Variants in THADA observed in about 807,000 individuals in gnomAD.
The protein encoded by THADA is THADA armadillo repeat containing.
A neutral mutation model predicts 219.8 loss-of-function variants in THADA; 213 were observed. The observed-to-expected ratio is 0.97, with a 90% CI of 0.87 to 1.09. THADA has a LOEUF of 1.09. Ranked by LOEUF, THADA falls within the 50% of genes least tolerant of loss-of-function variation. The pLI, the probability that THADA is intolerant of heterozygous loss-of-function variation, is 0.00. For missense variants in THADA, 2,956 were observed against 2,311.3 expected (o/e 1.28, Z -5.72); for synonymous variants, 1,018 against 828.9 (o/e 1.23, Z -3.92).
intron 30 of THADA, among the ~76,000 whole-genome samples, chr2:43,335,765 C>G (rs1441498311): frequency 6.8e-6 from 1 of 146,544 alleles, no homozygotes; most frequent in Non-Finnish European, 1.5e-5. Flanking sequence ...ACTAAACCAG[C>G]CTGGGAACAG....
At chr2:43,556,205 G>A (rs145978369) in intron 17 of THADA, 140 bp downstream of exon 17, 88 of 1,452,348 alleles carry the variant, frequency 6.1e-5, no homozygotes, top group Non-Finnish European at 7.5e-5. Flanking sequence ...TTTGCATAAT[G>A]AGAACCCATG....
intron 30 of THADA, chr2:43,343,142 C>T (rs1336151919): frequency 6.6e-6 from 1 of 152,246 alleles, no homozygotes; most frequent in East Asian, 1.9e-4. Flanking sequence ...ATCCTCCTGC[C>T]TTAGCCTCCC....
At chr2:43,379,909 T>C (rs953921428) in intron 29 of THADA, among the ~76,000 whole-genome samples, 1 of 152,218 alleles carries the variant, frequency 6.6e-6, no homozygotes, top group Non-Finnish European at 1.5e-5. Context: ...TGTATTTTGC[T>C]AACTGAAAGA....
At chr2:43,246,882 G>C (rs1669216059) in intron 36 of THADA, among the ~76,000 whole-genome samples, 1 of 152,206 alleles carries the variant, frequency 6.6e-6, no homozygotes, top group African/African-American at 2.4e-5. Flanking sequence ...CTGACGCTGA[G>C]TGTGGAGAAG....
chr2:43,541,022 G>A (rs1032308591), intron 21 of THADA, 137 bp downstream of exon 21: 1 of 863,724 alleles, frequency 1.2e-6, no homozygotes, highest in African/African-American at 1.8e-5. Context: ...AAATTACCAT[G>A]AACTTTCTTC....
At chr2:43,493,920 T>C (rs186244631) in intron 25 of THADA, among the ~76,000 whole-genome samples, 154 of 152,352 alleles carry the variant, frequency 1.0e-3, no homozygotes, top group Middle Eastern at 3.4e-3. Flanking sequence ...TCTCCACTTT[T>C]ACCTACATCA....
chr2:43,278,032 C>A (rs999186578), intron 36 of THADA, among the ~76,000 whole-genome samples: 1 of 150,848 alleles, frequency 6.6e-6, no homozygotes, highest in African/African-American at 2.5e-5. Context: ...CTCACTGCGA[C>A]CTATGCCTCC....
chr2:43,231,397 C>T, intron 37 of THADA, 54 bp from the exon 38 acceptor site: 1 of 1,457,234 alleles, frequency 6.9e-7, no homozygotes, highest in Non-Finnish European at 9.1e-7. Context: ...GTGACAAGCC[C>T]CAGTCCAGAC....
chr2:43,246,752 C>T (rs978703344), intron 36 of THADA, among the ~76,000 whole-genome samples: 2 of 152,200 alleles, frequency 1.3e-5, no homozygotes, highest in Middle Eastern at 3.2e-3. Context: ...ATGGAGTTTA[C>T]TCCCCAGAGC....
At chr2:43,433,382 A>G (rs1179180281) in intron 26 of THADA, among the ~76,000 whole-genome samples, 1 of 152,016 alleles carries the variant, frequency 6.6e-6, no homozygotes, top group African/African-American at 2.4e-5. Flanking sequence ...ATATAAAATT[A>G]GCCGGGTGTG....
chr2:43,461,046 C>T (rs1683583602), intron 26 of THADA, among the ~76,000 whole-genome samples: 1 of 152,122 alleles, frequency 6.6e-6, no homozygotes, highest in African/African-American at 2.4e-5. Flanking sequence ...GGGACAACAG[C>T]CAAGGCTAGA....
intron 22 of THADA, among the ~76,000 whole-genome samples, chr2:43,510,258 A>G (rs1690239785): frequency 6.6e-6 from 1 of 152,212 alleles, no homozygotes; most frequent in African/African-American, 2.4e-5. Flanking sequence ...AACAACAATA[A>G]AAAGGGATAG....
intron 32 of THADA, 93 bp downstream of exon 32, chr2:43,292,741 A>C: frequency 6.7e-7 from 1 of 1,501,950 alleles, no homozygotes; most frequent in Non-Finnish European, 8.9e-7. Flanking sequence ...GGAGAGCCTA[A>C]ACCCAATCTT....
intron 22 of THADA, among the ~76,000 whole-genome samples, chr2:43,516,295 T>C (rs887167002): frequency 3.9e-5 from 6 of 152,166 alleles, no homozygotes; most frequent in Admixed American, 1.3e-4. Flanking sequence ...GGCTCCCCAT[T>C]TTACTCAGAG....
At chr2:43,487,545 C>G (rs1349819343) in intron 25 of THADA, among the ~76,000 whole-genome samples, 2 of 152,192 alleles carry the variant, frequency 1.3e-5, no homozygotes. Context: ...AGTTCTAATC[C>G]TATCTGCCTG....
intron 29 of THADA, among the ~76,000 whole-genome samples, chr2:43,349,544 A>T (rs572676036): frequency 6.6e-6 from 1 of 152,302 alleles, no homozygotes; most frequent in South Asian, 2.1e-4. Context: ...GTTGTTTGGG[A>T]ATGCAACGCT....
chr2:43,400,470 T>C (rs943370304), intron 28 of THADA, among the ~76,000 whole-genome samples: 1 of 143,452 alleles, frequency 7.0e-6, no homozygotes, highest in Non-Finnish European at 1.5e-5. Flanking sequence ...TATATATATA[T>C]ATATATAAAT....
At chr2:43,302,193 C>T (rs1352511591) in intron 31 of THADA, among the ~76,000 whole-genome samples, 1 of 152,076 alleles carries the variant, frequency 6.6e-6, no homozygotes, top group Non-Finnish European at 1.5e-5. Flanking sequence ...CTACTTGCAA[C>T]CTCAACTTTG....
intron 29 of THADA, among the ~76,000 whole-genome samples, chr2:43,377,495 G>T (rs930548175): frequency 6.6e-6 from 1 of 152,148 alleles, no homozygotes; most frequent in African/African-American, 2.4e-5. Context: ...GGTGATAGAT[G>T]AGGTGCAGTG....
Sources: allele counts gnomAD v4.1 joint callset (sites outside exome capture counted in the v4.1 genomes callset), GRCh38; gene constraint gnomAD v4.1.1; transcripts MANE v1.5; gene names NCBI Gene and HGNC (gene_info 2026-07-23, HGNC 2026-07-21).